Variants in MFN2 observed in about 807,000 individuals in gnomAD.
The protein encoded by MFN2 is mitofusin 2.
Under a neutral mutation model 87.5 loss-of-function variants are expected in MFN2, and 43 were observed. The observed-to-expected ratio is 0.49, with a 90% confidence interval of 0.38 to 0.63. The LOEUF (loss-of-function observed/expected upper bound fraction) is 0.63. MFN2 is among the 30% of genes least tolerant of loss of function. MFN2 has a pLI of 0.00. For synonymous variants in MFN2, 337 were observed against 359.9 expected (o/e 0.94, Z 0.72); for missense variants, 743 against 972.8 (o/e 0.76, Z 3.14).
Position 11,999,081 on chromosome 1 carries a change from G to C in MFN2, c.802G>C (p.Glu268Gln), listed in dbSNP as rs1453267972. The change falls in exon 8 of 19, where the codon GAG becomes CAG. Residue 268 changes from glutamate (E) to glutamine (Q), a missense_variant. This residue lies in a region of MFN2 where 571 missense variants were observed against 670.7 expected (regional missense o/e 0.85). Coordinates refer to ENST00000235329, the MANE Select transcript of MFN2 (RefSeq NM_014874.4). ...NRWDASASEPEYMEEVRRQHM... is the reference protein window; with the variant it reads ...NRWDASASEPQYMEEVRRQHM... ...CTGGGATGCATCTGCCTCAGAGCCCGAGTACATGGAGGAGGTTCGTGCTTC... is the reference window on the plus strand; with the variant it reads ...CTGGGATGCATCTGCCTCAGAGCCCCAGTACATGGAGGAGGTTCGTGCTTC... 1.2e-6 allele frequency: 2 copies of C among 1,614,160 alleles called. No homozygotes were observed. Among genetic ancestry groups the C allele is most frequent in the South Asian group, 2.2e-5 (2 of 91,088 alleles).
chr1:11,983,704 A>C (rs1224867029), intron 2 of MFN2, among the ~76,000 whole-genome samples: 1 of 152,206 alleles, frequency 6.6e-6, no homozygotes, highest in Non-Finnish European at 1.5e-5. Context: ...GGGAGTCAGC[A>C]GTCAAAGCCT....
rs764662159 is a variant in MFN2, at chr1:11,989,246, A to G, written c.78A>G (p.Ala26=). The change falls in exon 3 of 19, where the codon GCA becomes GCG. Residue 26 remains alanine (A), a synonymous_variant. Coordinates refer to ENST00000235329, the MANE Select transcript of MFN2 (RefSeq NM_014874.4). ...AGAGACACATGGCTGAGGTGAATGC[A>G]TCCCCACTTAAGCACTTTGTCACTG... is the stretch of plus-strand genomic sequence containing the variant. ...KNKRHMAEVN[A]SPLKHFVTAK... is the part of the protein sequence containing the mutation. 7.4e-6 allele frequency: 12 copies of G among 1,613,990 alleles called. No individual in the cohort carries two copies. The highest frequency in any genetic ancestry group is 3.3e-5 in the Admixed American group (2 of 59,970).
intron 18 of MFN2, among the ~76,000 whole-genome samples, chr1:12,010,858 C>T (rs535654582): frequency 6.6e-6 from 1 of 152,134 alleles, no homozygotes; most frequent in Non-Finnish European, 1.5e-5. Context: ...AGTCCTCGGC[C>T]TGCCTAGCCC....
At position 11,999,071 on chromosome 1, in the gene MFN2, C is replaced by T. The variant is rs1217427204; in HGVS notation, c.792C>T (p.Ala264=). Residue 264 remains alanine, a synonymous_variant, in exon 8 of 19, where the codon GCC becomes GCT. Coordinates refer to ENST00000235329, the MANE Select transcript of MFN2 (RefSeq NM_014874.4). Reference sequence around the variant, plus strand: ...TGAACAACCGCTGGGATGCATCTGCCTCAGAGCCCGAGTACATGGAGGAGG... The same window carrying T: ...TGAACAACCGCTGGGATGCATCTGCTTCAGAGCCCGAGTACATGGAGGAGG... ...FILNNRWDAS[A]SEPEYMEEVR... The T allele has an allele frequency of 1.2e-6, 2 of 1,614,102 alleles. No individual in the cohort carries two copies. Among genetic ancestry groups the T allele is most frequent in the African/African-American group, 1.3e-5 (1 of 74,934 alleles).
chr1:11,992,743 G>A (rs1046252340), intron 4 of MFN2, 53 bp downstream of exon 4: 1 of 1,612,978 alleles, frequency 6.2e-7, no homozygotes, highest in Non-Finnish European at 8.5e-7. Context: ...GAGGGAGGGA[G>A]GCACTTTGTG....
chr1:11,984,995 CAGCCTGA>C (rs1184954396), intron 2 of MFN2, among the ~76,000 whole-genome samples: 1 of 152,232 alleles, frequency 6.6e-6, no homozygotes, highest in African/African-American at 2.4e-5. Flanking sequence ...ATGGGAACCC[CAGCCTGA>C]AGCCAGTCGG....
rs550677489 is a variant in MFN2 at position 11,991,181 on chromosome 1, C to CAGT, written c.176-1373_176-1371dup. Among the ~76,000 whole-genome samples the CAGT allele has an allele frequency of 1.6e-4, 25 of 152,308 alleles. No homozygotes were observed. In the East Asian group the frequency reaches 4.4e-3, roughly 27 times the overall value. On this transcript the variant is annotated intron_variant, in intron 3 of 18. Coordinates refer to ENST00000235329, the MANE Select transcript of MFN2 (RefSeq NM_014874.4). ...TTAAGGGCACTGGGAAAAAGCAGTGCAGTGATCCAAAGGTCTGCTCACGTA... is the reference window on the plus strand; with the variant it reads ...TTAAGGGCACTGGGAAAAAGCAGTGCAGTAGTGATCCAAAGGTCTGCTCACGTA...
Position 12,011,725 on chromosome 1 carries a change from ATTTTCCCCCACC to A in MFN2, c.*164_*175del. 1.4e-6 allele frequency: 1 copy of A among 716,582 alleles called. No homozygotes were observed. Among genetic ancestry groups the A allele is most frequent in the Non-Finnish European group, 2.4e-6 (1 of 422,656 alleles). 44.4% of individuals were successfully genotyped at this position (716,582 alleles called of 1,614,324 possible). On this transcript the variant is annotated 3_prime_UTR_variant, in exon 19 of 19. Coordinates refer to ENST00000235329, the MANE Select transcript of MFN2 (RefSeq NM_014874.4). Reference sequence around the variant, plus strand: ...CATTTTGAGCCCTCCAGCACTACTTATTTTCCCCCACCTTTGCCTGCTGTTGCTGGAAGAGCT... The same window carrying A: ...CATTTTGAGCCCTCCAGCACTACTTATTTGCCTGCTGTTGCTGGAAGAGCT...
chr1:12,006,355 G>A (rs948764083), intron 15 of MFN2, among the ~76,000 whole-genome samples, 183 bp from the exon 16 acceptor site: 2 of 152,180 alleles, frequency 1.3e-5, no homozygotes, highest in African/African-American at 2.4e-5. Flanking sequence ...CATTTTGCAC[G>A]TCCCGTGGTG....
rs1486939209 is a variant in MFN2, at chr1:12,001,808, A to T, written c.1010A>T (p.Glu337Val). 1 of 1,614,136 alleles carries T rather than the reference A, an allele frequency of 6.2e-7. No homozygotes were observed. Among genetic ancestry groups the T allele is most frequent in the Admixed American group, 1.7e-5 (1 of 60,016 alleles). The change falls in exon 10 of 19, where the codon GAG (glutamate) becomes GTG (valine). Residue 337 changes from glutamate to valine, a missense_variant. By Grantham distance (121) the Glu-to-Val change is moderately radical (BLOSUM62 -2). Coordinates refer to ENST00000235329, the MANE Select transcript of MFN2 (RefSeq NM_014874.4). ...GAAGGCTTTCAAGTGAGGATGTTTG[A>T]GTTTCAGAATTTTGAGAGGAGATTT... ...LAEGFQVRMF[E>V]FQNFERRFEE...
At chr1:11,999,403 C>T in intron 8 of MFN2, among the ~76,000 whole-genome samples, 1 of 152,114 alleles carries the variant, frequency 6.6e-6, no homozygotes, top group East Asian at 1.9e-4. Flanking sequence ...AGGCTCAGCT[C>T]TAGGGAGGCC....
Position 11,996,328 on chromosome 1 carries a change from C to T in MFN2, c.474+10C>T, listed in dbSNP as rs1189829699. ...AAAGAGGAGTGCCAAGGTGAGGGTG[C>T]CAGGCTGGCTGTCAGCCCTGTGCCT... On this transcript the variant is annotated intron_variant, in intron 5 of 18. Transcript: ENST00000235329. 6 of 1,613,882 alleles carry T rather than the reference C, an allele frequency of 3.7e-6. No individual in the cohort carries two copies. The East Asian group carries it at 1.3e-4, about 36-fold the overall frequency.
At chr1:12,002,299 C>G (rs1455150414) in intron 11 of MFN2, among the ~76,000 whole-genome samples, 196 bp downstream of exon 11, 1 of 152,250 alleles carries the variant, frequency 6.6e-6, no homozygotes, top group Non-Finnish European at 1.5e-5. Context: ...GGTGCTTCAT[C>G]ACCCCACCTG....
intron 2 of MFN2, among the ~76,000 whole-genome samples, chr1:11,983,292 C>T (rs1330814989): frequency 6.6e-6 from 1 of 152,158 alleles, no homozygotes; most frequent in East Asian, 1.9e-4. Flanking sequence ...AGGATGGTCT[C>T]GAACTCCTGA....
chr1:12,008,964 G>A (rs144277807), intron 17 of MFN2, among the ~76,000 whole-genome samples: 7,128 of 152,336 alleles, frequency 0.047, 232 homozygotes, highest in East Asian at 0.12. Context: ...TCGGGAGGCC[G>A]AGGCTGGCAG....
chr1:11,990,470 C>A (rs1456357231), intron 3 of MFN2, among the ~76,000 whole-genome samples: 4 of 152,164 alleles, frequency 2.6e-5, no homozygotes, highest in Non-Finnish European at 2.9e-5. Flanking sequence ...GTAGATCAGG[C>A]CGCTCCCCTC....
At chr1:12,006,512 C>T in intron 15 of MFN2, 26 bp from the exon 16 acceptor site, 1 of 1,613,608 alleles carries the variant, frequency 6.2e-7, no homozygotes, top group Middle Eastern at 1.7e-4. Flanking sequence ...ACGTCCCCCT[C>T]ACCCCTCTCA....
rs774330626 is a variant in MFN2 at position 11,985,455 on chromosome 1, C to CTTT, written c.-5+3366_-5+3368dup. Among the ~76,000 whole-genome samples, 361 of 119,690 alleles carry CTTT rather than the reference C, an allele frequency of 3.0e-3. 17 individuals carry two copies. The highest frequency in any genetic ancestry group is 0.013 in the African/African-American group (340 of 26,618). 78.5% of individuals were successfully genotyped at this position (119,690 alleles called of 152,430 possible). On this transcript the variant is annotated intron_variant, in intron 2 of 18. Transcript: ENST00000235329. ...CTATATCATGCCCCATCCTTGATCC[C>CTTT]TTTTTTTTTTTTTTTTTTTTTTTTT...
At position 12,009,684 on chromosome 1, in the gene MFN2, T is replaced by C. The variant is rs150946795; in HGVS notation, c.2162T>C (p.Ile721Thr). 9 of 1,614,080 alleles carry C rather than the reference T, an allele frequency of 5.6e-6. No individual in the cohort carries two copies. The highest frequency in any genetic ancestry group is 1.6e-4 in the Middle Eastern group (1 of 6,062). The change falls in exon 18 of 19, where the codon ATT becomes ACT. Residue 721 changes from isoleucine to threonine, a missense_variant. Around this residue, in one of 3 missense-constraint regions of MFN2, gnomAD observed 571 missense variants for 670.7 expected, o/e 0.85. Coordinates refer to ENST00000235329, the MANE Select transcript of MFN2 (RefSeq NM_014874.4). The stretch of plus-strand genomic sequence containing the variant: ...GAAATTGCCGCCATGAACAAGAAAA[T>C]TGAGGTTCTTGACTCACTTCAGAGC... The part of the protein sequence containing the change: ...EQEIAAMNKK[I>T]EVLDSLQSKA...
Sources: allele counts gnomAD v4.1 joint callset (sites outside exome capture counted in the v4.1 genomes callset), GRCh38; gene constraint gnomAD v4.1.1; regional missense constraint gnomAD v4.1.1; transcripts MANE v1.5; gene names NCBI Gene and HGNC (gene_info 2026-07-23, HGNC 2026-07-21).